The following PRDM15 variants were observed in gnomAD, a reference collection of about 807,000 sequenced individuals.
The protein encoded by PRDM15 is PR/SET domain 15.
In PRDM15, 64 loss-of-function variants were observed where a neutral mutation model predicts 128.6. That is an observed-to-expected ratio of 0.50 (90% CI 0.41 to 0.61). The LOEUF is 0.61. Ranked by LOEUF, PRDM15 falls within the 20% of genes least tolerant of loss-of-function variation. The pLI, the probability that PRDM15 is intolerant of heterozygous loss-of-function variation, is 0.00. For missense variants in PRDM15, 1,242 were observed against 1,569.1 expected, an observed-to-expected ratio of 0.79 and a Z score of 3.52; for synonymous variants, 615 against 621.8, an observed-to-expected ratio of 0.99 and a Z score of 0.16.
intron 6 of PRDM15, among the ~76,000 whole-genome samples, chr21:41,846,510 C>G (rs543901738): frequency 5.9e-5 from 9 of 152,338 alleles, no homozygotes; most frequent in African/African-American, 2.2e-4. Context: ...CTGAGCCAGC[C>G]TGGGTGAAAC....
intron 18 of PRDM15, among the ~76,000 whole-genome samples, chr21:41,816,804 C>T (rs1389571263): frequency 1.3e-5 from 2 of 152,174 alleles, no homozygotes; most frequent in Non-Finnish European, 2.9e-5. Context: ...TGCACAACTC[C>T]TGGCCTCGGG....
rs1403459681 is a variant in PRDM15, at chr21:41,810,124, G to A, written c.2652+30C>T. On this transcript the variant is annotated intron_variant, in intron 21 of 23. Coordinates refer to ENST00000398548, the MANE Select transcript of PRDM15 (RefSeq NM_001040424.3). This position sits in a 1 kb window ranked among gnomAD's most constrained non-coding sequence, Gnocchi z 6.4. ...TGTCCGGTGCGCGGCCCGCTGGCGG[G>A]GCACGGAGGGGGCACAGCCACCAGC... 6 of 1,586,730 alleles carry A rather than the reference G, an allele frequency of 3.8e-6. No homozygotes were observed. The highest frequency in any genetic ancestry group is 5.1e-6 in the Non-Finnish European group (6 of 1,167,608).
Position 41,800,628 on chromosome 21 carries a change from G to C in PRDM15, c.*612C>G, listed in dbSNP as rs566766186. 1 of 152,330 alleles carries C rather than the reference G, an allele frequency of 6.6e-6. No individual in the cohort carries two copies. Among genetic ancestry groups the C allele is most frequent in the African/African-American group, 2.4e-5 (1 of 41,568 alleles). 9.4% of individuals were successfully genotyped at this position (152,330 alleles called of 1,614,324 possible). A position where few individuals can be genotyped will look rare whatever the true frequency, so the allele number is the denominator to read the frequency against. ...ACATGATGACCGTGATGACCTCGAA[G>C]GTTGCAGGATCAGGTGCGGCTCAGC... On this transcript the variant is annotated 3_prime_UTR_variant, in exon 24 of 24. Coordinates refer to ENST00000398548, the MANE Select transcript of PRDM15 (RefSeq NM_001040424.3).
In PRDM15 at chr21:41,861,781, A is replaced by G. The variant is rs373932262; in HGVS notation, c.-9-1409T>C. The stretch of plus-strand genomic sequence containing the variant: ...GAGCAGTGCCGGGTTGAAAACTTCA[A>G]GTTAGGAGAGTGAGTTAGCTACAAG... On this transcript the variant is annotated intron_variant, in intron 1 of 23. Coordinates refer to ENST00000398548, the MANE Select transcript of PRDM15 (RefSeq NM_001040424.3). 23 of 1,606,536 alleles carry G rather than the reference A, an allele frequency of 1.4e-5. No individual in the cohort carries two copies. In the African/African-American group the frequency reaches 2.8e-4, roughly 20 times the overall value.
At chr21:41,840,316 T>G (rs1002728709) in intron 6 of PRDM15, among the ~76,000 whole-genome samples, 2 of 151,796 alleles carry the variant, frequency 1.3e-5, no homozygotes, top group South Asian at 2.1e-4. Context: ...TGTGGTGGTG[T>G]GTGCCTGTAG....
Position 41,800,332 on chromosome 21 carries a change from G to A in PRDM15, c.*908C>T, listed in dbSNP as rs2061386956. 1 of 152,448 alleles carries A rather than the reference G, an allele frequency of 6.6e-6. No homozygotes were observed. Among genetic ancestry groups the A allele is most frequent in the Non-Finnish European group, 1.5e-5 (1 of 68,058 alleles). 9.4% of individuals were successfully genotyped at this position (152,448 alleles called of 1,614,324 possible). A position where few individuals can be genotyped will look rare whatever the true frequency, so the allele number is the denominator to read the frequency against. On this transcript the variant is annotated 3_prime_UTR_variant, in exon 24 of 24. Transcript: ENST00000398548. ...CGGAGGAGCCCCTGGGGGCAGCAGGGAGGCTCACTCCTCACACACAGCCGC... is the reference window on the plus strand; with the variant it reads ...CGGAGGAGCCCCTGGGGGCAGCAGGAAGGCTCACTCCTCACACACAGCCGC...
intron 11 of PRDM15, among the ~76,000 whole-genome samples, chr21:41,835,055 G>A (rs1443860239): frequency 1.3e-5 from 2 of 152,306 alleles, no homozygotes; most frequent in South Asian, 2.1e-4. Context: ...GCAAGCAAGC[G>A]AGGAGCGCTC....
rs2063517849 is a variant in PRDM15, at chr21:41,854,505, C to A, written c.538+61G>T. On this transcript the variant is annotated intron_variant, in intron 5 of 23. Transcript: ENST00000398548. This position sits in a 1 kb window ranked among gnomAD's most constrained non-coding sequence, Gnocchi z 4.6. ...GTGGGGTCAGCACAGAGCCAAGGGA[C>A]CATAACCCCTTCGGCGAGGCACAAG... 6.3e-7 allele frequency: 1 copy of A among 1,594,210 alleles called. No individual in the cohort carries two copies. Among genetic ancestry groups the A allele is most frequent in the African/African-American group, 1.3e-5 (1 of 74,774 alleles).
At chr21:41,842,602 TG>T (rs935037232) in intron 6 of PRDM15, among the ~76,000 whole-genome samples, 45 of 152,264 alleles carry the variant, frequency 3.0e-4, no homozygotes, top group African/African-American at 8.4e-4. Context: ...GCGATTCTCC[TG>T]CCCCAGCCTC....
chr21:41,879,319 A>C lies in PRDM15; in HGVS notation c.-59T>G. The C allele has an allele frequency of 3.7e-6, 4 of 1,093,152 alleles. No individual in the cohort carries two copies. Among genetic ancestry groups the C allele is most frequent in the Non-Finnish European group, 4.5e-6 (4 of 891,048 alleles). The allele number at this position is 1,093,152 out of a possible 1,614,324, so 67.7% of individuals were successfully genotyped here. A position where few individuals can be genotyped will look rare whatever the true frequency, so the allele number is the denominator to read the frequency against. Reference sequence around the variant, plus strand: ...GATCGGATCCGGACTCCGGGTTGCGATCCGCTCCGGAAACTGCGCAGCACC... The same window carrying C: ...GATCGGATCCGGACTCCGGGTTGCGCTCCGCTCCGGAAACTGCGCAGCACC... On this transcript the variant is annotated 5_prime_UTR_variant, in exon 1 of 24. Transcript: ENST00000398548. This position sits in a 1 kb window ranked among gnomAD's most constrained non-coding sequence, Gnocchi z 5.1.
intron 1 of PRDM15, chr21:41,871,856 G>A (rs926517214): frequency 2.2e-5 from 10 of 451,872 alleles, no homozygotes; most frequent in African/African-American, 2.0e-4. Flanking sequence ...GCCCTGCCGA[G>A]TACAGTCTCT....
chr21:41,821,826 T>C lies in PRDM15; in HGVS notation c.1896+77A>G. 6.4e-7 allele frequency: 1 copy of C among 1,574,132 alleles called. No homozygotes were observed. Among genetic ancestry groups the C allele is most frequent in the East Asian group, 2.2e-5 (1 of 44,578 alleles). On this transcript the variant is annotated intron_variant, in intron 15 of 23. Coordinates refer to ENST00000398548, the MANE Select transcript of PRDM15 (RefSeq NM_001040424.3). The surrounding 1 kb of genome is among the most constrained non-coding windows in gnomAD (Gnocchi z 5.4). ...TTCCGAGATGCATGAAGGTGCCTGC[T>C]GTGTGGGGCCCACAGCCTTGAAACG...
In PRDM15 at chr21:41,862,715, C is replaced by T. The variant is rs1010720580; in HGVS notation, c.-9-2343G>A. Among the ~76,000 whole-genome samples, 7 of 152,174 alleles carry T rather than the reference C, an allele frequency of 4.6e-5. No homozygotes were observed. The highest frequency in any genetic ancestry group is 1.7e-4 in the African/African-American group (7 of 41,420). On this transcript the variant is annotated intron_variant, in intron 1 of 23. Coordinates refer to ENST00000398548, the MANE Select transcript of PRDM15 (RefSeq NM_001040424.3). The surrounding 1 kb of genome is among the most constrained non-coding windows in gnomAD (Gnocchi z 4.1). ...TCAGGCCTGATAAACGGAGCATCTT[C>T]AAAGTCTTTGCTGTCTTGGCAAAAC... is the stretch of plus-strand genomic sequence containing the variant.
intron 6 of PRDM15, among the ~76,000 whole-genome samples, chr21:41,842,788 CTT>C (rs752234481): frequency 1.6e-5 from 2 of 125,530 alleles, no homozygotes; most frequent in Non-Finnish European, 1.7e-5. Flanking sequence ...TACGCCTGGC[CTT>C]TTTTTTTTTT....
chr21:41,858,416 G>T (rs13048909), intron 3 of PRDM15, among the ~76,000 whole-genome samples: 2 of 151,022 alleles, frequency 1.3e-5, no homozygotes, highest in African/African-American at 4.9e-5. Context: ...GACATTGGGT[G>T]CCCAGAGCAC....
intron 18 of PRDM15, among the ~76,000 whole-genome samples, chr21:41,816,671 C>T (rs1377020555): frequency 6.6e-6 from 1 of 152,152 alleles, no homozygotes; most frequent in Non-Finnish European, 1.5e-5. Flanking sequence ...GACCATCCAC[C>T]AGCTCCTGCC....
At chr21:41,829,689 C>T (rs896546210) in intron 11 of PRDM15, among the ~76,000 whole-genome samples, 15 of 151,556 alleles carry the variant, frequency 9.9e-5, no homozygotes, top group Non-Finnish European at 1.6e-4. Flanking sequence ...AATATACACA[C>T]ACCACANAAA....
At position 41,850,922 on chromosome 21, in the gene PRDM15, A is replaced by G. The variant is rs901326525; in HGVS notation, c.538+3644T>C. On this transcript the variant is annotated intron_variant, in intron 5 of 23. Transcript: ENST00000398548. ...TTTCTACACGAAGATGCATGTTTGG[A>G]GCAAATCAAAGAGACAGAATTAAGT... Among the ~76,000 whole-genome samples, 5 of 152,322 alleles carry G rather than the reference A, an allele frequency of 3.3e-5. No individual in the cohort carries two copies. In the South Asian group the frequency reaches 1.0e-3, roughly 32 times the overall value.
intron 4 of PRDM15, among the ~76,000 whole-genome samples, chr21:41,855,600 C>T (rs776757536): frequency 6.6e-6 from 1 of 152,206 alleles, no homozygotes; most frequent in Non-Finnish European, 1.5e-5. Context: ...GGAAGGTGTG[C>T]TCCCAGCTGG....
Sources: gnomAD v4.1 joint callset for allele counts (sites outside exome capture counted in the v4.1 genomes callset) on GRCh38, gnomAD v4.1.1 for gene constraint, Gnocchi (gnomAD v3.1) non-coding constraint, MANE v1.5 for transcripts, NCBI Gene and HGNC (gene_info 2026-07-23, HGNC 2026-07-21) for gene names.